ARSB: variants seen among roughly 807,000 people sequenced by gnomAD.
The protein encoded by ARSB is N-acetylgalactosamine-4-sulfatase.
In ARSB, 41 loss-of-function variants were observed where a neutral mutation model predicts 50.9. The ratio of observed to expected loss-of-function variants is 0.81; its 90% CI spans 0.63 to 1.04. ARSB has a LOEUF of 1.04. Among genes scored for constraint, ARSB ranks in the 50% least tolerant of loss-of-function variants. The pLI, the probability that ARSB is intolerant of heterozygous loss-of-function variation, is 0.00. For synonymous variants in ARSB, 269 were observed against 284.8 expected (o/e 0.94, Z 0.56); for missense variants, 672 against 693.3 (o/e 0.97, Z 0.35).
chr5:78,921,600 A>C (rs1391631087), intron 4 of ARSB, among the ~76,000 whole-genome samples: 1 of 152,238 alleles, frequency 6.6e-6, no homozygotes, highest in Non-Finnish European at 1.5e-5. Flanking sequence ...AGAAGATTAA[A>C]ATCATATCAT....
chr5:78,985,073 T>C lies in ARSB; in HGVS notation c.176A>G (p.Asp59Gly), dbSNP rs1179935748. The C allele has an allele frequency of 3.2e-6, 5 of 1,543,952 alleles. No homozygotes were observed. The Admixed American group carries it at 7.7e-5, about 24-fold the overall frequency. The change falls in exon 1 of 8, where the codon GAC becomes GGC. Residue 59 changes from aspartate (D) to glycine (G), a missense_variant. Physicochemically the swap from Asp to Gly is moderately conservative, Grantham distance 94 (BLOSUM62 -1). Coordinates refer to ENST00000264914, the MANE Select transcript of ARSB (RefSeq NM_000046.5). ...GATGCGGGAGCCGTGGAAGCCGACG[T>C]CGTTCCAGCCTAGGTCGTCTGCCAG... ...FLLADDLGWN[D>G]VGFHGSRIRT...
intron 5 of ARSB, among the ~76,000 whole-genome samples, chr5:78,849,496 G>T (rs1343748070): frequency 5.9e-5 from 9 of 151,870 alleles, no homozygotes; most frequent in African/African-American, 2.2e-4. Context: ...AAGTCAGGTA[G>T]CGTGATGCCT....
At chr5:78,841,243 T>C (rs1186562720) in intron 5 of ARSB, among the ~76,000 whole-genome samples, 1 of 151,780 alleles carries the variant, frequency 6.6e-6, no homozygotes, top group Non-Finnish European at 1.5e-5. Context: ...GGCAAGAGGA[T>C]CCCTTGAGCC....
At chr5:78,837,206 TA>T (rs1002635319) in intron 6 of ARSB, among the ~76,000 whole-genome samples, 18 of 152,294 alleles carry the variant, frequency 1.2e-4, no homozygotes, top group African/African-American at 3.9e-4. Flanking sequence ...TTTTCATTTG[TA>T]GGTGGAATTT....
At chr5:78,921,093 A>G (rs1749791233) in intron 4 of ARSB, among the ~76,000 whole-genome samples, 1 of 152,156 alleles carries the variant, frequency 6.6e-6, no homozygotes. Context: ...TGGACGCTCA[A>G]TGACCTGTCC....
chr5:78,847,803 AT>A (rs1745515905), intron 5 of ARSB, among the ~76,000 whole-genome samples: 3 of 152,052 alleles, frequency 2.0e-5, no homozygotes, highest in Admixed American at 2.0e-4. Flanking sequence ...CATTGCATGT[AT>A]ACATGAATTT....
chr5:78,895,367 A>G (rs188182502), intron 4 of ARSB, among the ~76,000 whole-genome samples: 1 of 152,346 alleles, frequency 6.6e-6, no homozygotes, highest in East Asian at 1.9e-4. Context: ...GACACCACTG[A>G]AAGATGCATA....
At chr5:78,856,853 A>C (rs546135199) in intron 5 of ARSB, among the ~76,000 whole-genome samples, 91 of 152,194 alleles carry the variant, frequency 6.0e-4, no homozygotes, top group Non-Finnish European at 1.1e-3. Context: ...CCTCCTGACC[A>C]ATTTCTGAAG....
intron 6 of ARSB, among the ~76,000 whole-genome samples, chr5:78,835,129 T>A (rs1744893316): frequency 6.6e-6 from 1 of 152,140 alleles, no homozygotes; most frequent in African/African-American, 2.4e-5. Context: ...ACCCCTGGTG[T>A]GTGTGCATGT....
chr5:78,791,432 A>G (rs986786802), intron 6 of ARSB, among the ~76,000 whole-genome samples: 1 of 152,220 alleles, frequency 6.6e-6, no homozygotes, highest in Non-Finnish European at 1.5e-5. Flanking sequence ...TTTATGGCTC[A>G]CTCTAACAAA....
At chr5:78,925,589 T>G (rs765273587) in intron 4 of ARSB, among the ~76,000 whole-genome samples, 1 of 152,052 alleles carries the variant, frequency 6.6e-6, no homozygotes, top group Admixed American at 6.6e-5. Context: ...AAGCACAGGG[T>G]AGAATTTAAG....
intron 5 of ARSB, among the ~76,000 whole-genome samples, chr5:78,866,536 C>G (rs1289734329): frequency 6.6e-6 from 1 of 152,144 alleles, no homozygotes; most frequent in East Asian, 1.9e-4. Context: ...ACCCAAGGGA[C>G]AAAATGTTGA....
Position 78,788,790 on chromosome 5 carries a change from A to T in ARSB, c.1214-6816T>A, listed in dbSNP as rs552558497. On this transcript the variant is annotated intron_variant, in intron 6 of 7. Coordinates refer to ENST00000264914, the MANE Select transcript of ARSB (RefSeq NM_000046.5). The stretch of plus-strand genomic sequence containing the variant: ...TAATTTTAAAAAAATTAGAAAAAAA[A>T]TTTTTAAAGAGGCCACTATGATTTT... Among the ~76,000 whole-genome samples the T allele has an allele frequency of 5.3e-5, 8 of 152,190 alleles. No individual in the cohort carries two copies. In the East Asian group the frequency reaches 7.7e-4, roughly 15 times the overall value.
intron 4 of ARSB, among the ~76,000 whole-genome samples, chr5:78,927,444 T>C (rs749226414): frequency 6.6e-6 from 1 of 152,176 alleles, no homozygotes; most frequent in Non-Finnish European, 1.5e-5. Flanking sequence ...CTATTTAGTA[T>C]TGAATAACTG....
At chr5:78,794,041 A>C (rs1399691203) in intron 6 of ARSB, among the ~76,000 whole-genome samples, 1 of 152,158 alleles carries the variant, frequency 6.6e-6, no homozygotes, top group Admixed American at 6.5e-5. Context: ...AGAAATTCTC[A>C]AGTTATATGG....
chr5:78,897,861 TA>T (rs1748637857), intron 4 of ARSB, among the ~76,000 whole-genome samples: 1 of 152,150 alleles, frequency 6.6e-6, no homozygotes, highest in Admixed American at 6.5e-5. Flanking sequence ...AATTTTTAAA[TA>T]TTTTTTTCTA....
At chr5:78,825,053 G>A (rs184571578) in intron 6 of ARSB, among the ~76,000 whole-genome samples, 1 of 152,198 alleles carries the variant, frequency 6.6e-6, no homozygotes, top group African/African-American at 2.4e-5. Flanking sequence ...AATGTGTTTG[G>A]TTTAGCAGTT....
intron 6 of ARSB, among the ~76,000 whole-genome samples, chr5:78,831,577 G>A (rs1184070281): frequency 6.6e-6 from 1 of 152,182 alleles, no homozygotes; most frequent in Non-Finnish European, 1.5e-5. Flanking sequence ...CACAAGACAA[G>A]GGTAGGACAC....
chr5:78,958,770 T>C (rs897918308), intron 3 of ARSB, among the ~76,000 whole-genome samples: 2 of 152,186 alleles, frequency 1.3e-5, no homozygotes, highest in African/African-American at 2.4e-5. Context: ...CCCCTTCTTA[T>C]TGAAGATCTT....
Sources: allele counts gnomAD v4.1 joint callset (sites outside exome capture counted in the v4.1 genomes callset), GRCh38; gene constraint gnomAD v4.1.1; transcripts MANE v1.5; gene names NCBI Gene and HGNC (gene_info 2026-07-23, HGNC 2026-07-21).